The following JKAMP variants were observed in gnomAD, a reference collection of about 807,000 sequenced individuals.
JKAMP encodes the protein JNK1/MAPK8-associated membrane protein.
In JKAMP, 20 loss-of-function variants were observed where a neutral mutation model predicts 40.2. That is an observed-to-expected ratio of 0.50 (90% confidence interval 0.35 to 0.72). The LOEUF is 0.72. JKAMP is among the 30% of genes least tolerant of loss of function. The pLI, the probability that JKAMP is intolerant of heterozygous loss-of-function variation, is 0.01. For synonymous variants in JKAMP, 138 were observed against 131.6 expected, an observed-to-expected ratio of 1.05 and a Z score of -0.33; for missense variants, 276 against 373.0, an observed-to-expected ratio of 0.74 and a Z score of 2.14.
At chr14:59,495,372 C>T in intron 4 of JKAMP, 148 bp downstream of exon 4, 1 of 597,732 alleles carries the variant, frequency 1.7e-6, no homozygotes, top group South Asian at 2.1e-5. Flanking sequence ...TGTAAACAGC[C>T]TCTTGTAACT....
chr14:59,486,823 T>A lies in JKAMP; in HGVS notation c.96+19T>A, dbSNP rs1483452877. The A allele has an allele frequency of 1.4e-6, 2 of 1,404,926 alleles. No individual in the cohort carries two copies. The highest frequency in any genetic ancestry group is 4.3e-5 in the Admixed American group (2 of 46,762). 87.0% of individuals were successfully genotyped at this position (1,404,926 alleles called of 1,614,324 possible). A position where few individuals can be genotyped will look rare whatever the true frequency, so the allele number is the denominator to read the frequency against. On this transcript the variant is annotated intron_variant, in intron 2 of 6. Coordinates refer to ENST00000616435, the MANE Select transcript of JKAMP (RefSeq NM_016475.5). ...ATGTGGGGTAAGTCTTATGTTTGTA[T>A]CTTATTTCATTTTGTAAAATCTATT...
intron 5 of JKAMP, among the ~76,000 whole-genome samples, chr14:59,500,459 G>A (rs1891791699): frequency 6.6e-6 from 1 of 152,152 alleles, no homozygotes; most frequent in African/African-American, 2.4e-5. Flanking sequence ...GAAAAGTGGT[G>A]TTTTAGAGGA....
chr14:59,502,755 T>TGTTTTTTTTTGTTTTTG (rs67189643), intron 6 of JKAMP, among the ~76,000 whole-genome samples: 2 of 122,918 alleles, frequency 1.6e-5, no homozygotes, highest in East Asian at 2.6e-4. Context: ...ATGAGATTTT[T>TGTTTTTTTTTGTTTTTG]TTTTTTTTTT....
intron 1 of JKAMP, 162 bp downstream of exon 1, chr14:59,484,755 G>A: frequency 1.0e-6 from 1 of 1,000,882 alleles, no homozygotes; most frequent in Non-Finnish European, 1.5e-6. Flanking sequence ...ACTCCTGCGG[G>A]GTTGGGGTGG....
At chr14:59,494,321 A>C (rs1434618063) in intron 3 of JKAMP, among the ~76,000 whole-genome samples, 1 of 152,234 alleles carries the variant, frequency 6.6e-6, no homozygotes, top group Admixed American at 6.5e-5. Flanking sequence ...CTAACCACAG[A>C]ATGGATAAAC....
At chr14:59,497,667 G>T (rs527972874) in intron 4 of JKAMP, among the ~76,000 whole-genome samples, 1 of 152,272 alleles carries the variant, frequency 6.6e-6, no homozygotes, top group East Asian at 1.9e-4. Context: ...ACTACAAGTT[G>T]CAGGAATGGA....
intron 6 of JKAMP, among the ~76,000 whole-genome samples, 172 bp from the exon 7 acceptor site, chr14:59,503,682 C>T (rs1451460226): frequency 2.0e-5 from 3 of 152,198 alleles, no homozygotes; most frequent in African/African-American, 7.2e-5. Context: ...CTTTCCTCAT[C>T]TATAAAGTGG....
In JKAMP at chr14:59,502,496, G is replaced by C. The variant is rs1402659140; in HGVS notation, c.717+1229G>C. Among the ~76,000 whole-genome samples, 3 of 152,172 alleles carry C rather than the reference G, an allele frequency of 2.0e-5. No homozygotes were observed. The East Asian group carries it at 5.8e-4, about 29-fold the overall frequency. ...CTATTACCTTAGTGAGAGAGTGAGTGGGGGAAAACATCTAGGAATCATAGT... is the reference window on the plus strand; with the variant it reads ...CTATTACCTTAGTGAGAGAGTGAGTCGGGGAAAACATCTAGGAATCATAGT... On this transcript the variant is annotated intron_variant, in intron 6 of 6. Transcript: ENST00000616435.
chr14:59,500,471 A>G (rs1236622183), intron 5 of JKAMP, among the ~76,000 whole-genome samples: 2 of 152,212 alleles, frequency 1.3e-5, no homozygotes, highest in Admixed American at 1.3e-4. Flanking sequence ...TTTAGAGGAA[A>G]AAATTTGCTT....
intron 2 of JKAMP, 73 bp downstream of exon 2, chr14:59,486,877 T>G: frequency 2.9e-6 from 3 of 1,043,944 alleles, no homozygotes; most frequent in East Asian, 2.6e-5. Flanking sequence ...ACATACAACA[T>G]TTTTTGTTAT....
At chr14:59,485,249 G>T in intron 1 of JKAMP, 2 of 880,018 alleles carry the variant, frequency 2.3e-6, no homozygotes, top group South Asian at 3.7e-5. Context: ...CCATACAGAA[G>T]TTTCCAATTC....
intron 3 of JKAMP, 34 bp downstream of exon 3, chr14:59,487,862 C>G (rs760685760): frequency 7.6e-6 from 12 of 1,586,730 alleles, no homozygotes; most frequent in Non-Finnish European, 1.0e-5. Context: ...TCTGGCTGGA[C>G]TAATGTTGGA....
intron 6 of JKAMP, among the ~76,000 whole-genome samples, chr14:59,502,163 A>G (rs1177892632): frequency 6.6e-6 from 1 of 152,140 alleles, no homozygotes; most frequent in Non-Finnish European, 1.5e-5. Flanking sequence ...TAAAATAATT[A>G]TATTTATTAT....
intron 1 of JKAMP, chr14:59,484,794 C>T (rs1449724569): frequency 2.2e-6 from 2 of 899,414 alleles, no homozygotes; most frequent in Non-Finnish European, 3.3e-6. Flanking sequence ...CTAGGGGAGG[C>T]GCGCTGTCTG....
At chr14:59,496,265 A>G (rs1891441369) in intron 4 of JKAMP, among the ~76,000 whole-genome samples, 1 of 150,644 alleles carries the variant, frequency 6.6e-6, no homozygotes, top group African/African-American at 2.4e-5. Context: ...TATAGCTATA[A>G]TTTATATATA....
chr14:59,500,439 C>T (rs914971270), intron 5 of JKAMP, among the ~76,000 whole-genome samples: 4 of 151,998 alleles, frequency 2.6e-5, no homozygotes, highest in African/African-American at 9.7e-5. Flanking sequence ...AAATTTGAAA[C>T]ATTTTAAGAG....
chr14:59,494,929 A>C (rs1891325615), intron 3 of JKAMP, 89 bp from the exon 4 acceptor site: 1 of 915,162 alleles, frequency 1.1e-6, no homozygotes, highest in African/African-American at 1.6e-5. Context: ...TAGATTTAGA[A>C]ATCTGTATCT....
At chr14:59,486,649 A>C in intron 1 of JKAMP, 64 bp from the exon 2 acceptor site, 1 of 1,115,702 alleles carries the variant, frequency 9.0e-7, no homozygotes, top group Non-Finnish European at 1.3e-6. Context: ...TGCTTCAGCT[A>C]TTATTGCAAT....
At chr14:59,484,859 G>C (rs957378822) in intron 1 of JKAMP, 35 of 1,152,990 alleles carry the variant, frequency 3.0e-5, no homozygotes, top group Non-Finnish European at 4.0e-5. Flanking sequence ...CAGTCCCTTA[G>C]TTTAATGTCG....
Sources: allele counts gnomAD v4.1 joint callset (sites outside exome capture counted in the v4.1 genomes callset), GRCh38; gene constraint gnomAD v4.1.1; transcripts MANE v1.5; gene names NCBI Gene and HGNC (gene_info 2026-07-23, HGNC 2026-07-21).